The following MYLK4 variants were observed in gnomAD, a reference collection of about 807,000 sequenced individuals.
MYLK4 encodes the protein caMLCK like.
A neutral mutation model predicts 48.1 loss-of-function variants in MYLK4; 46 were observed. The observed-to-expected ratio is 0.96, with a 90% confidence interval of 0.75 to 1.22. MYLK4 has a LOEUF of 1.22. Among genes scored for constraint, MYLK4 ranks in the 50% most tolerant of loss-of-function variants. The pLI, the probability that MYLK4 is intolerant of heterozygous loss-of-function variation, is 0.00. For missense variants in MYLK4, 451 were observed against 486.1 expected, an observed-to-expected ratio of 0.93 and a Z score of 0.68; for synonymous variants, 170 against 180.8, an observed-to-expected ratio of 0.94 and a Z score of 0.48.
chr6:2,683,394 TGTGTGTGTG>T (rs1761400312), intron 6 of MYLK4, among the ~76,000 whole-genome samples: 1 of 78,188 alleles, frequency 1.3e-5, no homozygotes, highest in African/African-American at 4.2e-5. Flanking sequence ...CACCTTTTTG[TGTGTGTGTG>T]TGTGTGTGTG....
At chr6:2,722,120 A>G (rs1763090868) in intron 2 of MYLK4, among the ~76,000 whole-genome samples, 1 of 152,236 alleles carries the variant, frequency 6.6e-6, no homozygotes, top group Non-Finnish European at 1.5e-5. Flanking sequence ...GCTGTGCTTC[A>G]GACTTAGACG....
intron 3 of MYLK4, among the ~76,000 whole-genome samples, chr6:2,690,800 A>C (rs1305204357): frequency 6.6e-6 from 1 of 151,668 alleles, no homozygotes. Flanking sequence ...AGCATGATAA[A>C]AGAAGCAATA....
chr6:2,717,979 G>A (rs960755084), intron 2 of MYLK4, among the ~76,000 whole-genome samples: 1 of 152,060 alleles, frequency 6.6e-6, no homozygotes, highest in Non-Finnish European at 1.5e-5. Flanking sequence ...TTGGGAGTTC[G>A]AGATCAGCCT....
At chr6:2,718,401 C>CA (rs1463331668) in intron 2 of MYLK4, among the ~76,000 whole-genome samples, 2 of 152,100 alleles carry the variant, frequency 1.3e-5, no homozygotes, top group Non-Finnish European at 2.9e-5. Context: ...ATGTGCTCTC[C>CA]AAAAAAACTA....
intron 2 of MYLK4, among the ~76,000 whole-genome samples, chr6:2,742,249 A>G (rs1044544659): frequency 1.3e-5 from 2 of 152,230 alleles, no homozygotes; most frequent in Non-Finnish European, 2.9e-5. Flanking sequence ...GGCGCAGGCC[A>G]TGCGGAAAGG....
Position 2,749,250 on chromosome 6 carries a change from G to A in MYLK4, c.45C>T (p.Asn15=), listed in dbSNP as rs746553342. ...KRLEEFNTCY[N]SNQLEKMAFF... is the part of the protein sequence containing the mutation. Reference sequence around the variant, plus strand: ...AGGCCATTTTCTCCAGCTGGTTGCTGTTATAACACGTGTTGAATTCTTCCA... The same window carrying A: ...AGGCCATTTTCTCCAGCTGGTTGCTATTATAACACGTGTTGAATTCTTCCA... Residue 15 remains asparagine, a synonymous_variant, in exon 2 of 13, where the codon AAC becomes AAT. Transcript: ENST00000274643. The A allele has an allele frequency of 1.9e-6, 3 of 1,613,908 alleles. No homozygotes were observed. Among genetic ancestry groups the A allele is most frequent in the Non-Finnish European group, 1.7e-6 (2 of 1,179,950 alleles).
chr6:2,766,574 G>A, the MYLK4 span: 1 of 1,384,402 alleles, frequency 7.2e-7, no homozygotes, highest in East Asian at 2.7e-5. Context: ...GTGCAGACTT[G>A]GGCTGGGCTG....
chr6:2,672,114 C>T lies in MYLK4; in HGVS notation c.1120-766G>A, dbSNP rs1229997907. Among the ~76,000 whole-genome samples the T allele has an allele frequency of 2.6e-5, 4 of 152,102 alleles. No individual in the cohort carries two copies. The highest frequency in any genetic ancestry group is 4.4e-5 in the Non-Finnish European group (3 of 68,026). On this transcript the variant is annotated intron_variant, in intron 11 of 12. Transcript: ENST00000274643. The surrounding 1 kb of genome is among the most constrained non-coding windows in gnomAD (Gnocchi z 4.3). ...ATTAGTTCACTGAGAGGGCATGAGC[C>T]GAGGTCACAACACTGAGAATGGGAA...
intron 2 of MYLK4, among the ~76,000 whole-genome samples, chr6:2,720,683 A>G (rs1392467436): frequency 6.6e-6 from 1 of 152,146 alleles, no homozygotes; most frequent in African/African-American, 2.4e-5. Context: ...ATTATTGGAA[A>G]TTAAGACTAT....
intron 2 of MYLK4, among the ~76,000 whole-genome samples, chr6:2,701,721 C>G (rs1762287164): frequency 6.6e-6 from 1 of 152,186 alleles, no homozygotes; most frequent in African/African-American, 2.4e-5. Context: ...GCTGGTGAAT[C>G]CGCAGCAGCA....
chr6:2,769,460 C>T, the MYLK4 span, among the ~76,000 whole-genome samples: 1 of 151,712 alleles, frequency 6.6e-6, no homozygotes, highest in Admixed American at 6.6e-5. Context: ...GAGAGCTATA[C>T]TCTAAATAAA....
the MYLK4 span, among the ~76,000 whole-genome samples, chr6:2,762,259 G>A: frequency 1.3e-5 from 2 of 152,038 alleles, no homozygotes; most frequent in Non-Finnish European, 2.9e-5. Context: ...CAATACTTTT[G>A]AAAACCCTAT....
In MYLK4 at chr6:2,666,263, G is replaced by C. The variant is rs911517460; in HGVS notation, c.*1662C>G. 16 of 152,204 alleles carry C rather than the reference G, an allele frequency of 1.1e-4. 1 individual carries two copies. The highest frequency in any genetic ancestry group is 3.3e-4 in the Admixed American group (5 of 15,276). The allele number at this position is 152,204 out of a possible 1,614,324, so 9.4% of individuals were successfully genotyped here. A position where few individuals can be genotyped will look rare whatever the true frequency, so the allele number is the denominator to read the frequency against. ...GGGAAAGCTGATGCAAAGTGAAACT[G>C]CCATCCCTCATGAGGCCACCAAGTA... is the stretch of plus-strand genomic sequence containing the variant. On this transcript the variant is annotated 3_prime_UTR_variant, in exon 13 of 13. Transcript: ENST00000274643.
At chr6:2,754,528 G>A (rs1024397662), upstream of MYLK4, among the ~76,000 whole-genome samples, 1 of 152,202 alleles carries the variant, frequency 6.6e-6, no homozygotes, top group Non-Finnish European at 1.5e-5. Context: ...CTGGGTGCAG[G>A]AATGGGGGTT....
intron 2 of MYLK4, among the ~76,000 whole-genome samples, chr6:2,722,330 A>G (rs1421517571): frequency 2.6e-5 from 4 of 152,240 alleles, no homozygotes; most frequent in Non-Finnish European, 5.9e-5. Context: ...AAGGCAACCA[A>G]TAACTCCAGG....
At chr6:2,754,839 A>G (rs1020207450), upstream of MYLK4, among the ~76,000 whole-genome samples, 4 of 152,218 alleles carry the variant, frequency 2.6e-5, no homozygotes, top group Non-Finnish European at 5.9e-5. Flanking sequence ...GGGCCAAAGA[A>G]AAGGAATGGT....
chr6:2,754,059 A>G (rs989341011), upstream of MYLK4, among the ~76,000 whole-genome samples: 3 of 152,048 alleles, frequency 2.0e-5, no homozygotes, highest in Non-Finnish European at 2.9e-5. Flanking sequence ...AAAAACTGGA[A>G]CCCTCACCAA....
chr6:2,747,342 G>A (rs748705059), intron 2 of MYLK4, among the ~76,000 whole-genome samples: 5 of 151,822 alleles, frequency 3.3e-5, no homozygotes, highest in East Asian at 3.9e-4. Context: ...TAGCACTATC[G>A]CACTCTTTTT....
chr6:2,744,814 G>T (rs756189439), intron 2 of MYLK4, among the ~76,000 whole-genome samples: 6 of 152,204 alleles, frequency 3.9e-5, no homozygotes, highest in Non-Finnish European at 7.3e-5. Flanking sequence ...CTTAAGCCAG[G>T]TTTTAAAAAG....
Sources: gnomAD v4.1 joint callset for allele counts (sites outside exome capture counted in the v4.1 genomes callset) on GRCh38, gnomAD v4.1.1 for gene constraint, Gnocchi (gnomAD v3.1) non-coding constraint, MANE v1.5 for transcripts, NCBI Gene and HGNC (gene_info 2026-07-23, HGNC 2026-07-21) for gene names.